INTS5: variants seen among roughly 807,000 people sequenced by gnomAD.
The protein encoded by INTS5 is integrator complex subunit 5.
A neutral mutation model predicts 60.0 loss-of-function variants in INTS5; 29 were observed. The observed-to-expected ratio is 0.48, with a 90% CI of 0.36 to 0.66. INTS5 has a LOEUF of 0.66. Among genes scored for constraint, INTS5 ranks in the 30% least tolerant of loss-of-function variants. The pLI, the probability that INTS5 is intolerant of heterozygous loss-of-function variation, is 0.00. For synonymous variants in INTS5, 588 were observed against 558.8 expected (o/e 1.05, Z -0.74); for missense variants, 1,129 against 1,307.9 (o/e 0.86, Z 2.11).
intron 1 of INTS5, among the ~76,000 whole-genome samples, chr11:62,652,090 A>C (rs1270106133): frequency 6.7e-6 from 1 of 149,930 alleles, no homozygotes; most frequent in Non-Finnish European, 1.5e-5. Flanking sequence ...GAGGCCAAGG[A>C]GGGTGGATCA....
chr11:62,653,267 G>C lies in INTS5; in HGVS notation c.-18C>G. 2.4e-6 allele frequency: 3 copies of C among 1,242,562 alleles called. No individual in the cohort carries two copies. Among genetic ancestry groups the C allele is most frequent in the East Asian group, 3.2e-5 (1 of 31,624 alleles). The allele number at this position is 1,242,562 out of a possible 1,614,324, so 77.0% of individuals were successfully genotyped here. On this transcript the variant is annotated 5_prime_UTR_variant, in exon 1 of 2. Transcript: ENST00000330574. Reference sequence around the variant, plus strand: ...GCGGACATCCCGGAGCCCGAGCCGAGCCCGAGGCGCGAGCGGCGGAGCGCA... The same window carrying C: ...GCGGACATCCCGGAGCCCGAGCCGACCCCGAGGCGCGAGCGGCGGAGCGCA...
At position 62,651,844 on chromosome 11, in the gene INTS5, G is replaced by A. The variant is rs559066324; in HGVS notation, c.80+1326C>T. Among the ~76,000 whole-genome samples, 4 of 152,028 alleles carry A rather than the reference G, an allele frequency of 2.6e-5. No individual in the cohort carries two copies. The South Asian group carries it at 6.2e-4, about 24-fold the overall frequency. On this transcript the variant is annotated intron_variant, in intron 1 of 1. Transcript: ENST00000330574. ...CACCACTGCACCCCAGACTGTGTGC[G>A]CCGTCAAAAAAAAGAACGAAATCAA...
At chr11:62,651,212 G>A (rs1238319043) in intron 1 of INTS5, among the ~76,000 whole-genome samples, 1 of 151,816 alleles carries the variant, frequency 6.6e-6, no homozygotes, top group African/African-American at 2.4e-5. Context: ...CCAGGTTCAC[G>A]CCATTCTCCT....
At chr11:62,651,533 A>G (rs1414943623) in intron 1 of INTS5, among the ~76,000 whole-genome samples, 2 of 152,196 alleles carry the variant, frequency 1.3e-5, no homozygotes, top group East Asian at 3.8e-4. Flanking sequence ...CAACAGTTCA[A>G]TAAGTTAGGT....
At chr11:62,652,559 A>G (rs1175704847) in intron 1 of INTS5, among the ~76,000 whole-genome samples, 1 of 152,226 alleles carries the variant, frequency 6.6e-6, no homozygotes, top group East Asian at 1.9e-4. Context: ...GTGCTTGGAC[A>G]TCAGGGTGTC....
chr11:62,649,659 C>G lies in INTS5; in HGVS notation c.421G>C (p.Ala141Pro). The G allele has an allele frequency of 6.2e-7, 1 of 1,614,208 alleles. No homozygotes were observed. Among genetic ancestry groups the G allele is most frequent in the Non-Finnish European group, 8.5e-7 (1 of 1,180,046 alleles). ...ATGGACCATGCACTAATCACAGGTG[C>G]CCAGGCCTTTGGGTTGGCCCGGATA... ...EFIRANPKAWAPVISAWSIDL... is the reference protein window; with the variant it reads ...EFIRANPKAWPPVISAWSIDL... The change falls in exon 2 of 2, where the codon GCA (alanine) becomes CCA (proline). Residue 141 changes from alanine to proline, a missense_variant. Coordinates refer to ENST00000330574, the MANE Select transcript of INTS5 (RefSeq NM_030628.2). The surrounding 1 kb of genome is among the most constrained non-coding windows in gnomAD (Gnocchi z 6.0).
In INTS5 at chr11:62,648,399, C is replaced by A; in HGVS notation, c.1681G>T (p.Val561Leu). The change falls in exon 2 of 2, where the codon GTG becomes TTG. Residue 561 changes from valine to leucine, a missense_variant. Transcript: ENST00000330574. The surrounding 1 kb of genome is among the most constrained non-coding windows in gnomAD (Gnocchi z 4.4). ...GGAGGCTGTAATGTCCCTGCATGCA[C>A]CCGAGCCAGACAGCTTCGGAAAGCC... is the stretch of plus-strand genomic sequence containing the variant. ...PLAFRSCLAR[V>L]HAGTLQPPFT... 1 of 1,614,190 alleles carries A rather than the reference C, an allele frequency of 6.2e-7. No homozygotes were observed. Among genetic ancestry groups the A allele is most frequent in the African/African-American group, 1.3e-5 (1 of 75,052 alleles).
intron 1 of INTS5, among the ~76,000 whole-genome samples, chr11:62,651,366 C>T (rs1944591275): frequency 6.6e-6 from 1 of 151,722 alleles, no homozygotes; most frequent in African/African-American, 2.4e-5. Flanking sequence ...CCTCCCGCCT[C>T]GTCCTCCCAA....
chr11:62,647,176 G>C lies in INTS5; in HGVS notation c.2904C>G (p.Arg968=), dbSNP rs1944524914. Residue 968 remains arginine, a synonymous_variant, in exon 2 of 2, where the codon CGC becomes CGG. Transcript: ENST00000330574. ...QKFIFQSERG[R]FIRDFSREGG... is the part of the protein sequence containing the mutation. The stretch of plus-strand genomic sequence containing the variant: ...CCTCCCTGGAGAAGTCCCGAATGAA[G>C]CGACCCCGCTCTGATTGGAAGATGA... 1 of 1,614,212 alleles carries C rather than the reference G, an allele frequency of 6.2e-7. No individual in the cohort carries two copies. Among genetic ancestry groups the C allele is most frequent in the Non-Finnish European group, 8.5e-7 (1 of 1,180,042 alleles).
At position 62,653,174 on chromosome 11, in the gene INTS5, G is replaced by A; in HGVS notation, c.76C>T (p.Leu26Phe). 8.0e-7 allele frequency: 1 copy of A among 1,247,262 alleles called. No homozygotes were observed. Among genetic ancestry groups the A allele is most frequent in the Non-Finnish European group, 1.0e-6 (1 of 987,044 alleles). 77.3% of individuals were successfully genotyped at this position (1,247,262 alleles called of 1,614,324 possible). The change falls in exon 1 of 2, where the codon CTC (leucine) becomes TTC (phenylalanine). Residue 26 changes from leucine to phenylalanine, a missense_variant. Coordinates refer to ENST00000330574, the MANE Select transcript of INTS5 (RefSeq NM_030628.2). ...GGTGCCAAGGGCTCTAACTACCTGA[G>A]AGGCGCGGGACCGTGGGTGGCCGGG... ...PAPATHGPAP[L>F]SAQELSQEIK...
chr11:62,647,115 G>A lies in INTS5; in HGVS notation c.2965C>T (p.His989Tyr). The change falls in exon 2 of 2, where the codon CAC becomes TAC. Residue 989 changes from histidine (H) to tyrosine (Y), a missense_variant. Physicochemically the swap from His to Tyr is moderately conservative, Grantham distance 83. This residue lies in a region of INTS5 where 1,070 missense variants were observed against 1,246.1 expected (regional missense o/e 0.86). Transcript: ENST00000330574. Reference sequence around the variant, plus strand: ...TCGATGTTGCGGTGGAGGACACTGTGCAGCACAGCCAGATGGGGTCCACCC... The same window carrying A: ...TCGATGTTGCGGTGGAGGACACTGTACAGCACAGCCAGATGGGGTCCACCC... ...GEGGPHLAVL[H>Y]SVLHRNIDRL... The A allele has an allele frequency of 1.2e-6, 2 of 1,614,160 alleles. No homozygotes were observed. Among genetic ancestry groups the A allele is most frequent in the Non-Finnish European group, 1.7e-6 (2 of 1,180,036 alleles).
rs1335540669 is a variant in INTS5 at position 62,649,213 on chromosome 11, G to A, written c.867C>T (p.Pro289=). ...GGATGCCTACAACTGAGGCAATCTTGGGCACCCGTTTCTCCGCAGGAATGG... is the reference window on the plus strand; with the variant it reads ...GGATGCCTACAACTGAGGCAATCTTAGGCACCCGTTTCTCCGCAGGAATGG... ...SPAIPAEKRV[P]KIASVVGILG... is the part of the protein sequence containing the mutation. Residue 289 remains proline (P), a synonymous_variant, in exon 2 of 2, where the codon CCC becomes CCT. Coordinates refer to ENST00000330574, the MANE Select transcript of INTS5 (RefSeq NM_030628.2). The surrounding 1 kb of genome is among the most constrained non-coding windows in gnomAD (Gnocchi z 6.0). 6.2e-7 allele frequency: 1 copy of A among 1,613,794 alleles called. No homozygotes were observed. The highest frequency in any genetic ancestry group is 8.5e-7 in the Non-Finnish European group (1 of 1,179,800).
chr11:62,648,901 G>C lies in INTS5; in HGVS notation c.1179C>G (p.His393Gln). Residue 393 changes from histidine (H) to glutamine (Q), a missense_variant, in exon 2 of 2, where the codon CAC becomes CAG. Around this residue, in one of 3 missense-constraint regions of INTS5, gnomAD observed 1,070 missense variants for 1,246.1 expected, o/e 0.86. Coordinates refer to ENST00000330574, the MANE Select transcript of INTS5 (RefSeq NM_030628.2). This position sits in a 1 kb window ranked among gnomAD's most constrained non-coding sequence, Gnocchi z 4.4. ...CTGCCCCAGAGGCCTGGCTCACCAG[G>C]TGCACAGCCAGGTTCAACATGTTGT... ...ELDNMLNLAVHLVSQASGAGA... is the reference protein window; with the variant it reads ...ELDNMLNLAVQLVSQASGAGA... The C allele has an allele frequency of 1.9e-6, 3 of 1,613,676 alleles. No homozygotes were observed. Among genetic ancestry groups the C allele is most frequent in the Non-Finnish European group, 1.7e-6 (2 of 1,179,872 alleles).
Position 62,648,021 on chromosome 11 carries a change from C to A in INTS5, c.2059G>T (p.Ala687Ser). Residue 687 changes from alanine (A) to serine (S), a missense_variant, in exon 2 of 2, where the codon GCT becomes TCT. Ala to Ser is a moderately conservative substitution (Grantham distance 99). Transcript: ENST00000330574. This position sits in a 1 kb window ranked among gnomAD's most constrained non-coding sequence, Gnocchi z 4.4. The stretch of plus-strand genomic sequence containing the variant: ...CCTTCAACCAGCAGCTGCAGGACAG[C>A]CTTGAGCCCAGCTGGGGATGTCTGA... Reference protein sequence around the residue: ...LSQTSPAGLKAVLQLLVEGAL... With the variant: ...LSQTSPAGLKSVLQLLVEGAL... 2 of 1,614,202 alleles carry A rather than the reference C, an allele frequency of 1.2e-6. No individual in the cohort carries two copies. Among genetic ancestry groups the A allele is most frequent in the Non-Finnish European group, 1.7e-6 (2 of 1,180,034 alleles).
intron 1 of INTS5, among the ~76,000 whole-genome samples, chr11:62,652,327 C>T (rs1473865593): frequency 6.7e-6 from 1 of 150,136 alleles, no homozygotes; most frequent in Non-Finnish European, 1.5e-5. Context: ...AAAACAAAAA[C>T]AAAAAAAAAC....
chr11:62,647,111 CTG>C lies in INTS5; in HGVS notation c.2967_2968del (p.His989GlnfsTer81). 6.2e-7 allele frequency: 1 copy of C among 1,614,158 alleles called. No homozygotes were observed. Among genetic ancestry groups the C allele is most frequent in the Non-Finnish European group, 8.5e-7 (1 of 1,180,026 alleles). ...GCGGTCGATGTTGCGGTGGAGGACA[CTG>C]TGCAGCACAGCCAGATGGGGTCCAC... On this transcript the variant is annotated frameshift_variant, in exon 2 of 2. Coordinates refer to ENST00000330574, the MANE Select transcript of INTS5 (RefSeq NM_030628.2). LOFTEE classifies it high-confidence loss of function.
rs761220419 is a variant in INTS5, at chr11:62,647,727, G to A, written c.2353C>T (p.His785Tyr). ...GTGCCCCCTGGGGCACTGCAGCAGT[G>A]AACCAGGAGGCTGAGGAGGCTCTGG... is the stretch of plus-strand genomic sequence containing the variant. ...NTQSLLSLLVHCCSAPGGTEC... is the reference protein window; with the variant it reads ...NTQSLLSLLVYCCSAPGGTEC... Residue 785 changes from histidine to tyrosine, a missense_variant, in exon 2 of 2, where the codon CAC becomes TAC. Coordinates refer to ENST00000330574, the MANE Select transcript of INTS5 (RefSeq NM_030628.2). 1.2e-6 allele frequency: 2 copies of A among 1,614,176 alleles called. No individual in the cohort carries two copies. The highest frequency in any genetic ancestry group is 1.7e-6 in the Non-Finnish European group (2 of 1,180,022).
chr11:62,653,232 G>A lies in INTS5; in HGVS notation c.18C>T (p.Asp6=), dbSNP rs1443622170. 1.6e-6 allele frequency: 2 copies of A among 1,245,358 alleles called. No individual in the cohort carries two copies. The highest frequency in any genetic ancestry group is 1.0e-6 in the Non-Finnish European group (1 of 987,606). 77.1% of individuals were successfully genotyped at this position (1,245,358 alleles called of 1,614,324 possible). The change falls in exon 1 of 2, where the codon GAC becomes GAT. Residue 6 remains aspartate (D), a synonymous_variant. Transcript: ENST00000330574. Reference sequence around the variant, plus strand: ...CAGGTGGCCCTGGGGCCCCGGGAGGGTCGCACAGCGCGGACATCCCGGAGC... The same window carrying A: ...CAGGTGGCCCTGGGGCCCCGGGAGGATCGCACAGCGCGGACATCCCGGAGC... MSALC[D]PPGAPGPPGP... is the part of the protein sequence containing the mutation.
rs1485663856 is a variant in INTS5, at chr11:62,648,227, T to C, written c.1853A>G (p.Glu618Gly). The part of the protein sequence containing the change: ...SDLAPLLLHP[E>G]EEVAEAAASL... ...GGCAGCAGCTTCAGCTACTTCCTCC[T>C]CAGGATGTAGCAGGAGAGGAGCCAG... Residue 618 changes from glutamate (E) to glycine (G), a missense_variant, in exon 2 of 2, where the codon GAG becomes GGG. Coordinates refer to ENST00000330574, the MANE Select transcript of INTS5 (RefSeq NM_030628.2). This position sits in a 1 kb window ranked among gnomAD's most constrained non-coding sequence, Gnocchi z 4.4. 1.7e-5 allele frequency: 27 copies of C among 1,613,554 alleles called. No homozygotes were observed. The highest frequency in any genetic ancestry group is 2.2e-5 in the Non-Finnish European group (26 of 1,179,936).
Sources: gnomAD v4.1 joint callset for allele counts (sites outside exome capture counted in the v4.1 genomes callset) on GRCh38, gnomAD v4.1.1 for gene constraint, gnomAD v4.1.1 regional missense constraint, Gnocchi (gnomAD v3.1) non-coding constraint, MANE v1.5 for transcripts, NCBI Gene and HGNC (gene_info 2026-07-23, HGNC 2026-07-21) for gene names.